Variants in DPYSL5 observed in about 807,000 individuals in gnomAD.
DPYSL5 encodes dihydropyrimidinase like 5, also known as dihydropyrimidinase-related protein 5.
In DPYSL5, 9 loss-of-function variants were observed where a neutral mutation model predicts 58.4. The ratio of observed to expected loss-of-function variants is 0.15; its 90% CI spans 0.09 to 0.27. DPYSL5 has a LOEUF of 0.27. Ranked by LOEUF, DPYSL5 falls within the 10% of genes least tolerant of loss-of-function variation. The probability of loss-of-function intolerance (pLI) is 1.00; values close to 1 mark genes in which losing one functional copy is unlikely to be tolerated. For synonymous variants in DPYSL5, 293 were observed against 301.9 expected, an observed-to-expected ratio of 0.97 and a Z score of 0.31; for missense variants, 499 against 770.6, an observed-to-expected ratio of 0.65 and a Z score of 4.17.
At chr2:26,892,080 G>A (rs1331828760) in intron 1 of DPYSL5, among the ~76,000 whole-genome samples, 1 of 152,150 alleles carries the variant, frequency 6.6e-6, no homozygotes, top group Middle Eastern at 3.2e-3. Context: ...AAACTCACCT[G>A]GAAACCTTCT....
chr2:26,943,472 G>A lies in DPYSL5; in HGVS notation c.1440+722G>A, dbSNP rs145223633. On this transcript the variant is annotated intron_variant, in intron 11 of 12. Coordinates refer to ENST00000288699, the MANE Select transcript of DPYSL5 (RefSeq NM_020134.4). ...TGGACGGGGTTTAACCGTGTTGCTC[G>A]GGTTGCTTTCAAATTCCTGGGCTCA... Among the ~76,000 whole-genome samples, 395 of 152,208 alleles carry A rather than the reference G, an allele frequency of 2.6e-3. 2 individuals are homozygous for A. Among genetic ancestry groups the A allele is most frequent in the African/African-American group, 9.2e-3 (384 of 41,532 alleles).
intron 2 of DPYSL5, among the ~76,000 whole-genome samples, chr2:26,915,810 C>T (rs1664549189): frequency 6.6e-6 from 1 of 152,116 alleles, no homozygotes; most frequent in African/African-American, 2.4e-5. Context: ...CTCAGCTCTC[C>T]TCTCAGTCTC....
chr2:26,931,808 G>C (rs1664996418), intron 6 of DPYSL5, 124 bp downstream of exon 6: 1 of 999,152 alleles, frequency 1.0e-6, no homozygotes, highest in Admixed American at 2.0e-5. Flanking sequence ...AAGAGTTTGA[G>C]ACCAGCCTGG....
At chr2:26,922,797 G>T (rs1192983534) in intron 2 of DPYSL5, among the ~76,000 whole-genome samples, 1 of 152,200 alleles carries the variant, frequency 6.6e-6, no homozygotes, top group Non-Finnish European at 1.5e-5. Context: ...ATCGGAAATA[G>T]AAGCCTGCTA....
At chr2:26,931,201 G>GTATATATATA (rs1161770394) in intron 5 of DPYSL5, among the ~76,000 whole-genome samples, 87 of 54,544 alleles carry the variant, frequency 1.6e-3, no homozygotes, top group East Asian at 4.0e-3. Context: ...GTGTGTGTGT[G>GTATATATATA]TGTATATATA....
At chr2:26,880,803 A>ATC (rs1663541657) in intron 1 of DPYSL5, among the ~76,000 whole-genome samples, 1 of 152,154 alleles carries the variant, frequency 6.6e-6, no homozygotes, top group South Asian at 2.1e-4. Flanking sequence ...TCTCACCGCC[A>ATC]TCTCCGTGGT....
intron 1 of DPYSL5, among the ~76,000 whole-genome samples, chr2:26,862,175 G>A (rs1013496981): frequency 4.6e-5 from 7 of 152,234 alleles, no homozygotes; most frequent in African/African-American, 1.7e-4. Context: ...GACCCACAGA[G>A]TGTGAGGAAA....
At chr2:26,888,255 T>TCTTTTTCTTTCTTTCTG (rs1663776825) in intron 1 of DPYSL5, among the ~76,000 whole-genome samples, 1 of 108,188 alleles carries the variant, frequency 9.2e-6, no homozygotes, top group African/African-American at 4.6e-5. Context: ...CTTTCTTTCT[T>TCTTTTTCTTTCTTTCTG]TCTTTCTTTC....
chr2:26,945,485 A>G (rs1016747096), intron 12 of DPYSL5, among the ~76,000 whole-genome samples: 8 of 151,228 alleles, frequency 5.3e-5, no homozygotes, highest in African/African-American at 1.9e-4. Context: ...TCTTAAAGCC[A>G]CGATCTGCAG....
intron 2 of DPYSL5, among the ~76,000 whole-genome samples, chr2:26,900,584 T>C (rs1001738877): frequency 3.9e-5 from 6 of 152,224 alleles, no homozygotes; most frequent in African/African-American, 1.4e-4. Flanking sequence ...ACACATTTTG[T>C]TGGGCACATA....
At chr2:26,861,051 G>A (rs1665998530) in intron 1 of DPYSL5, among the ~76,000 whole-genome samples, 1 of 152,192 alleles carries the variant, frequency 6.6e-6, no homozygotes, top group Non-Finnish European at 1.5e-5. Context: ...AAGACTTGAG[G>A]AGGGTGAAGT....
chr2:26,869,739 C>T (rs998487172), intron 1 of DPYSL5, among the ~76,000 whole-genome samples: 6 of 152,114 alleles, frequency 3.9e-5, no homozygotes, highest in South Asian at 2.1e-4. Flanking sequence ...CGGCCGGACG[C>T]GGTGGCTCAC....
intron 2 of DPYSL5, among the ~76,000 whole-genome samples, chr2:26,902,874 C>A (rs1360433954): frequency 6.6e-6 from 1 of 152,076 alleles, no homozygotes; most frequent in East Asian, 1.9e-4. Context: ...GCTACACTCC[C>A]AGCAGTGCCA....
At chr2:26,945,992 A>T (rs1324471617) in intron 12 of DPYSL5, among the ~76,000 whole-genome samples, 1 of 152,072 alleles carries the variant, frequency 6.6e-6, no homozygotes, top group Non-Finnish European at 1.5e-5. Flanking sequence ...CTCTCTCAGG[A>T]CCAGTCTCAT....
At chr2:26,903,495 CCCCAG>C (rs569227540) in intron 2 of DPYSL5, among the ~76,000 whole-genome samples, 276 of 152,270 alleles carry the variant, frequency 1.8e-3, no homozygotes, top group Non-Finnish European at 3.2e-3. Context: ...AGTGTCCAGT[CCCCAG>C]CCCAGCCCAG....
chr2:26,873,431 GCAA>G (rs1303210403), intron 1 of DPYSL5, among the ~76,000 whole-genome samples: 4 of 152,122 alleles, frequency 2.6e-5, no homozygotes, highest in Non-Finnish European at 5.9e-5. Context: ...GCGACATATA[GCAA>G]TGTCTGGAGA....
At chr2:26,872,473 C>T (rs956672556) in intron 1 of DPYSL5, among the ~76,000 whole-genome samples, 4 of 152,102 alleles carry the variant, frequency 2.6e-5, no homozygotes, top group African/African-American at 7.2e-5. Context: ...GGGCGGATCA[C>T]GAGGGCAGGA....
intron 1 of DPYSL5, among the ~76,000 whole-genome samples, chr2:26,856,415 G>A (rs538681869): frequency 7.2e-5 from 11 of 152,126 alleles, no homozygotes; most frequent in Non-Finnish European, 1.3e-4. Context: ...CTCTCACCAG[G>A]GGCTTCTTGT....
rs966834939 is a variant in DPYSL5, at chr2:26,947,264, T to G, written c.*269T>G. On this transcript the variant is annotated 3_prime_UTR_variant, in exon 13 of 13. Transcript: ENST00000288699. This position sits in a 1 kb window ranked among gnomAD's most constrained non-coding sequence, Gnocchi z 4.2. ...TCTGGGGCCCAGGAAGCCCACACTATGCACAGAGCCCAATGCATAGAGCCC... is the reference window on the plus strand; with the variant it reads ...TCTGGGGCCCAGGAAGCCCACACTAGGCACAGAGCCCAATGCATAGAGCCC... 4.7e-6 allele frequency: 2 copies of G among 428,286 alleles called. No homozygotes were observed. Among genetic ancestry groups the G allele is most frequent in the Non-Finnish European group, 8.7e-6 (2 of 230,372 alleles). 26.5% of individuals were successfully genotyped at this position (428,286 alleles called of 1,614,324 possible).
Sources: gnomAD v4.1 joint callset for allele counts (sites outside exome capture counted in the v4.1 genomes callset) on GRCh38, gnomAD v4.1.1 for gene constraint, Gnocchi (gnomAD v3.1) non-coding constraint, MANE v1.5 for transcripts, NCBI Gene and HGNC (gene_info 2026-07-23, HGNC 2026-07-21) for gene names.